MAP3K3: variants seen among roughly 807,000 people sequenced by gnomAD.
The protein encoded by MAP3K3 is mitogen-activated protein kinase kinase kinase 3.
MAP3K3 carries 12 observed loss-of-function variants against 80.9 expected under a neutral mutation model. That is an observed-to-expected ratio of 0.15 (90% CI 0.10 to 0.24). The LOEUF is 0.24. Ranked by LOEUF, MAP3K3 falls within the 10% of genes least tolerant of loss-of-function variation. MAP3K3 has a pLI of 1.00. For missense variants in MAP3K3, 596 were observed against 834.7 expected (o/e 0.71, Z 3.52); for synonymous variants, 272 against 307.1 (o/e 0.89, Z 1.19).
intron 2 of MAP3K3, among the ~76,000 whole-genome samples, chr17:63,638,619 C>T (rs1025597982): frequency 4.6e-5 from 7 of 152,312 alleles, no homozygotes; most frequent in East Asian, 1.9e-4. Flanking sequence ...CTGCTCTCAC[C>T]GGATTGCCTG....
intron 2 of MAP3K3, chr17:63,636,558 G>T: frequency 6.3e-6 from 1 of 159,280 alleles, no homozygotes; most frequent in South Asian, 1.7e-4. Context: ...AGTTCTCTGT[G>T]GGTCTGACAA....
Position 63,691,193 on chromosome 17 carries a change from C to T in MAP3K3, c.1304C>T (p.Ala435Val). Residue 435 changes from alanine (A) to valine (V), a missense_variant, in exon 13 of 16, where the codon GCT becomes GTT. Physicochemically the swap from Ala to Val is moderately conservative, Grantham distance 64. Transcript: ENST00000361733. The surrounding 1 kb of genome is among the most constrained non-coding windows in gnomAD (Gnocchi z 4.8). ...VQYYGCLRDR[A>V]EKTLTIFMEY... ...TACTATGGCTGTCTGCGGGACCGCG[C>T]TGAGAAGACCCTGACCATCTTCATG... The T allele has an allele frequency of 6.2e-7, 1 of 1,614,184 alleles. No homozygotes were observed. The highest frequency in any genetic ancestry group is 8.5e-7 in the Non-Finnish European group (1 of 1,180,032).
At chr17:63,686,706 G>T (rs926448746) in intron 8 of MAP3K3, among the ~76,000 whole-genome samples, 1 of 152,138 alleles carries the variant, frequency 6.6e-6, no homozygotes, top group Non-Finnish European at 1.5e-5. Context: ...TCAGGTGGGT[G>T]CTGGGAAAGA....
chr17:63,691,017 C>A lies in MAP3K3; in HGVS notation c.1213-85C>A. ...GTTCCCAAGGCAGATCCCTGTGAGG[C>A]CACTAACTAGGGCAAGCTGAGCTGA... On this transcript the variant is annotated intron_variant, in intron 12 of 15. Coordinates refer to ENST00000361733, the MANE Select transcript of MAP3K3 (RefSeq NM_002401.5). This position sits in a 1 kb window ranked among gnomAD's most constrained non-coding sequence, Gnocchi z 4.8. 1.3e-6 allele frequency: 2 copies of A among 1,540,954 alleles called. No homozygotes were observed. The highest frequency in any genetic ancestry group is 8.9e-7 in the Non-Finnish European group (1 of 1,125,444).
At chr17:63,643,477 C>T (rs1186762097) in intron 2 of MAP3K3, among the ~76,000 whole-genome samples, 1 of 152,010 alleles carries the variant, frequency 6.6e-6, no homozygotes, top group Non-Finnish European at 1.5e-5. Flanking sequence ...TACCACTGCA[C>T]TCCAGCTTGG....
Position 63,689,336 on chromosome 17 carries a change from T to G in MAP3K3, c.872-208T>G. ...TAATTTCTGCTTTTGTCCTGATTCT[T>G]GGAGTGCTTGGGACAGCAGCCTCTG... On this transcript the variant is annotated intron_variant, in intron 10 of 15. Transcript: ENST00000361733. This position sits in a 1 kb window ranked among gnomAD's most constrained non-coding sequence, Gnocchi z 4.3. 1 of 579,560 alleles carries G rather than the reference T, an allele frequency of 1.7e-6. No homozygotes were observed. Among genetic ancestry groups the G allele is most frequent in the Non-Finnish European group, 3.1e-6 (1 of 326,100 alleles). 35.9% of individuals were successfully genotyped at this position (579,560 alleles called of 1,614,324 possible). A position where few individuals can be genotyped will look rare whatever the true frequency, so the allele number is the denominator to read the frequency against.
intron 6 of MAP3K3, among the ~76,000 whole-genome samples, chr17:63,679,742 G>C (rs1426252415): frequency 1.3e-5 from 2 of 152,148 alleles, no homozygotes; most frequent in African/African-American, 4.8e-5. Flanking sequence ...GAAGTGTCGG[G>C]ATAATAGGTG....
intron 5 of MAP3K3, among the ~76,000 whole-genome samples, chr17:63,661,408 C>T (rs1489809540): frequency 6.6e-6 from 1 of 152,198 alleles, no homozygotes; most frequent in Non-Finnish European, 1.5e-5. Context: ...TAAGATACTT[C>T]ATTGTCTCCT....
At chr17:63,647,946 C>T (rs2034572654) in intron 3 of MAP3K3, among the ~76,000 whole-genome samples, 1 of 152,230 alleles carries the variant, frequency 6.6e-6, no homozygotes, top group African/African-American at 2.4e-5. Flanking sequence ...GGTATTCATT[C>T]TGGTGGGCTG....
At chr17:63,660,126 T>A (rs900760422) in intron 5 of MAP3K3, among the ~76,000 whole-genome samples, 3 of 152,168 alleles carry the variant, frequency 2.0e-5, no homozygotes, top group Non-Finnish European at 4.4e-5. Context: ...ATACTGTCAG[T>A]CACTTTGTTT....
rs572088726 is a variant in MAP3K3, at chr17:63,653,962, G to A, written c.267+1306G>A. Among the ~76,000 whole-genome samples the A allele has an allele frequency of 2.0e-4, 30 of 152,152 alleles. 1 individual carries two copies. Among genetic ancestry groups the A allele is most frequent in the Admixed American group, 8.5e-4 (13 of 15,278 alleles). ...GCTCACTGCAGCCTTGACCTCCTGC[G>A]CTCAAGCGATTCCCCCACCTCAGCC... On this transcript the variant is annotated intron_variant, in intron 4 of 15. Transcript: ENST00000361733.
chr17:63,691,602 CA>C lies in MAP3K3; in HGVS notation c.1345-127del. 7.4e-7 allele frequency: 1 copy of C among 1,356,786 alleles called. No homozygotes were observed. The highest frequency in any genetic ancestry group is 1.4e-5 in the South Asian group (1 of 71,758). 84.0% of individuals were successfully genotyped at this position (1,356,786 alleles called of 1,614,324 possible). A position where few individuals can be genotyped will look rare whatever the true frequency, so the allele number is the denominator to read the frequency against. ...TTCCAAACTGCCTGACAGCTCCTGG[CA>C]AAATGCCCTGCCCAGCCAGATAGGA... is the stretch of plus-strand genomic sequence containing the variant. On this transcript the variant is annotated intron_variant, in intron 13 of 15. Transcript: ENST00000361733. This position sits in a 1 kb window ranked among gnomAD's most constrained non-coding sequence, Gnocchi z 4.8.
intron 1 of MAP3K3, among the ~76,000 whole-genome samples, chr17:63,632,321 G>A (rs1310799228): frequency 1.3e-5 from 2 of 151,934 alleles, no homozygotes; most frequent in Non-Finnish European, 2.9e-5. Context: ...GGGAGACCCC[G>A]TCTCTACAAA....
chr17:63,677,661 C>T (rs1439242947), intron 6 of MAP3K3, among the ~76,000 whole-genome samples: 2 of 152,174 alleles, frequency 1.3e-5, no homozygotes, highest in Non-Finnish European at 2.9e-5. Flanking sequence ...TATTCCTGGC[C>T]TCTGACTCCC....
At chr17:63,652,406 A>G (rs2034675067) in intron 3 of MAP3K3, 151 bp from the exon 4 acceptor site, 1 of 621,042 alleles carries the variant, frequency 1.6e-6, no homozygotes, top group African/African-American at 1.8e-5. Flanking sequence ...AGAGAAGAGG[A>G]AAAAAGGAAA....
chr17:63,665,079 G>T (rs753280027), intron 5 of MAP3K3, among the ~76,000 whole-genome samples: 1 of 152,080 alleles, frequency 6.6e-6, no homozygotes, highest in Non-Finnish European at 1.5e-5. Flanking sequence ...AAGGCAGGCA[G>T]ATCACCTGAG....
At chr17:63,652,952 A>C (rs1431389947) in intron 4 of MAP3K3, among the ~76,000 whole-genome samples, 1 of 152,034 alleles carries the variant, frequency 6.6e-6, no homozygotes, top group Non-Finnish European at 1.5e-5. Context: ...TCTCCTTTAC[A>C]TTTTGTAGGA....
intron 6 of MAP3K3, among the ~76,000 whole-genome samples, chr17:63,681,139 C>T (rs2035324819): frequency 6.7e-6 from 1 of 149,282 alleles, no homozygotes. Flanking sequence ...AAGGTAATAT[C>T]ATTACTCATA....
chr17:63,674,450 C>T (rs2035175348), intron 6 of MAP3K3, among the ~76,000 whole-genome samples: 1 of 152,144 alleles, frequency 6.6e-6, no homozygotes. Flanking sequence ...ACTGCAGCCT[C>T]AACCACCGAT....
Sources: gnomAD v4.1 joint callset for allele counts (sites outside exome capture counted in the v4.1 genomes callset) on GRCh38, gnomAD v4.1.1 for gene constraint, Gnocchi (gnomAD v3.1) non-coding constraint, MANE v1.5 for transcripts, NCBI Gene and HGNC (gene_info 2026-07-23, HGNC 2026-07-21) for gene names.